The following SLC12A5 variants were observed in gnomAD, a reference collection of about 807,000 sequenced individuals.
SLC12A5 encodes the protein K-Cl cotransporter 2.
In SLC12A5, 18 loss-of-function variants were observed where a neutral mutation model predicts 124.0. The observed-to-expected ratio is 0.15, with a 90% CI of 0.10 to 0.22. The LOEUF (loss-of-function observed/expected upper bound fraction) is 0.22, where lower values mean the gene tolerates loss of function less well. SLC12A5 is among the 10% of genes least tolerant of loss of function. The pLI is 1.00. For missense variants in SLC12A5, 867 were observed against 1,478.7 expected, an observed-to-expected ratio of 0.59 and a Z score of 6.78; for synonymous variants, 589 against 568.0, an observed-to-expected ratio of 1.04 and a Z score of -0.53.
At position 46,040,354 on chromosome 20, in the gene SLC12A5, T is replaced by A. The variant is rs1225370810; in HGVS notation, c.613-19T>A. ...GGCTGCTGACTTAGGTATCTGTTCT[T>A]CCTGCCCCTTTCCCACAGGCTTACC... is the stretch of plus-strand genomic sequence containing the variant. On this transcript the variant is annotated intron_variant, in intron 6 of 25. Coordinates refer to ENST00000243964, the MANE Select transcript of SLC12A5 (RefSeq NM_020708.5). 2 of 1,612,730 alleles carry A rather than the reference T, an allele frequency of 1.2e-6. No individual in the cohort carries two copies. Among genetic ancestry groups the A allele is most frequent in the Admixed American group, 1.7e-5 (1 of 60,002 alleles).
chr20:46,046,091 T>G, intron 13 of SLC12A5, 95 bp downstream of exon 13: 1 of 1,194,998 alleles, frequency 8.4e-7, no homozygotes, highest in Non-Finnish European at 1.2e-6. Context: ...CCAGACACTT[T>G]AGCAACCCCA....
In SLC12A5 at chr20:46,052,988, A is replaced by C. The variant is rs1304975707; in HGVS notation, c.2409A>C (p.Leu803Phe). ...ELVRETTAGH[L>F]ALLVTKNVSM... The stretch of plus-strand genomic sequence containing the variant: ...TCCGGGAAACCACAGCTGGCCACTT[A>C]GCCCTGCTGGTCACCAAGAACGTTT... Residue 803 changes from leucine to phenylalanine, a missense_variant, in exon 19 of 26, where the codon TTA becomes TTC. This residue lies in a region of SLC12A5 where 110 missense variants were observed against 149.9 expected (regional missense o/e 0.73). Coordinates refer to ENST00000243964, the MANE Select transcript of SLC12A5 (RefSeq NM_020708.5). 2 of 1,613,866 alleles carry C rather than the reference A, an allele frequency of 1.2e-6. No homozygotes were observed. Among genetic ancestry groups the C allele is most frequent in the Admixed American group, 3.3e-5 (2 of 60,008 alleles).
downstream of SLC12A5, chr20:46,023,598 C>T: frequency 5.0e-6 from 2 of 397,042 alleles, no homozygotes; most frequent in Non-Finnish European, 8.9e-6. Flanking sequence ...CATTCTCTTT[C>T]CTCATTTGCT....
At chr20:46,041,842 T>C (rs936204049) in intron 8 of SLC12A5, among the ~76,000 whole-genome samples, 2 of 152,078 alleles carry the variant, frequency 1.3e-5, no homozygotes, top group Admixed American at 1.3e-4. Context: ...GTTCCTGGCC[T>C]CAAGGAGACT....
chr20:46,045,869 T>C lies in SLC12A5; in HGVS notation c.1570-9T>C, dbSNP rs1186278565. 1 of 1,613,124 alleles carries C rather than the reference T, an allele frequency of 6.2e-7. No individual in the cohort carries two copies. The highest frequency in any genetic ancestry group is 1.7e-5 in the Admixed American group (1 of 60,002). ...GGTCTCAGTCCCATGATGATTGCTC[T>C]TTCCCCAGGTCTTTGGCCATGGCAA... is the stretch of plus-strand genomic sequence containing the variant. On this transcript the variant is annotated splice_polypyrimidine_tract_variant and intron_variant, in intron 12 of 25. Transcript: ENST00000243964. The surrounding 1 kb of genome is among the most constrained non-coding windows in gnomAD (Gnocchi z 4.9).
At chr20:46,047,397 C>T (rs2084605506) in intron 14 of SLC12A5, 57 bp from the exon 15 acceptor site, 3 of 1,593,438 alleles carry the variant, frequency 1.9e-6, no homozygotes, top group Non-Finnish European at 2.6e-6. Flanking sequence ...TTCTAAGTCC[C>T]AGCTTCAGCA....
At chr20:46,046,251 C>T in intron 13 of SLC12A5, 87 bp from the exon 14 acceptor site, 1 of 1,263,850 alleles carries the variant, frequency 7.9e-7, no homozygotes. Context: ...TTCCTGTCCC[C>T]TTTCCCCCTT....
intron 1 of SLC12A5, chr20:46,022,113 A>T: frequency 2.9e-4 from 31 of 106,536 alleles, no homozygotes; most frequent in East Asian, 7.6e-4. Context: ...CGTGGCCACG[A>T]GGGAAAGGGG....
At chr20:46,029,431 C>CAGCGAGGAG (rs1253459506) in intron 1 of SLC12A5, 35 bp downstream of exon 1, 1 of 1,536,616 alleles carries the variant, frequency 6.5e-7, no homozygotes, top group Non-Finnish European at 8.8e-7. Flanking sequence ...GGGGAGGGGG[C>CAGCGAGGAG]AGCGAGGAGA....
intron 16 of SLC12A5, 74 bp downstream of exon 16, chr20:46,048,159 G>A (rs560939180): frequency 7.4e-7 from 1 of 1,359,162 alleles, no homozygotes; most frequent in Admixed American, 2.0e-5. Context: ...AGGGGGAAGG[G>A]AGCAGGGCCT....
chr20:46,058,161 T>G lies in SLC12A5; in HGVS notation c.*556T>G. On this transcript the variant is annotated 3_prime_UTR_variant, in exon 26 of 26. Coordinates refer to ENST00000243964, the MANE Select transcript of SLC12A5 (RefSeq NM_020708.5). The surrounding 1 kb of genome is among the most constrained non-coding windows in gnomAD (Gnocchi z 5.8). ...ATCGCGTGTATTTTTAACGTCCCCATATTTATGTGACTAGAAGCGCAACAG... is the reference window on the plus strand; with the variant it reads ...ATCGCGTGTATTTTTAACGTCCCCAGATTTATGTGACTAGAAGCGCAACAG... 12 of 239,122 alleles carry G rather than the reference T, an allele frequency of 5.0e-5. No individual in the cohort carries two copies. The highest frequency in any genetic ancestry group is 8.1e-5 in the East Asian group (1 of 12,352). The allele number at this position is 239,122 out of a possible 1,614,324, so 14.8% of individuals were successfully genotyped here. A position where few individuals can be genotyped will look rare whatever the true frequency, so the allele number is the denominator to read the frequency against.
chr20:46,029,255 G>A lies in SLC12A5; in HGVS notation c.-90G>A. On this transcript the variant is annotated 5_prime_UTR_variant, in exon 1 of 26. Coordinates refer to ENST00000243964, the MANE Select transcript of SLC12A5 (RefSeq NM_020708.5). ...TCCGTGGAGCGGAGAGCGAGACAGA[G>A]CTACAGCGAACGAGAGAGCGGCGAA... The A allele has an allele frequency of 6.7e-7, 1 of 1,491,638 alleles. No homozygotes were observed. Among genetic ancestry groups the A allele is most frequent in the South Asian group, 1.3e-5 (1 of 74,416 alleles). The allele number at this position is 1,491,638 out of a possible 1,614,324, so 92.4% of individuals were successfully genotyped here.
Position 46,045,240 on chromosome 20 carries a change from C to T in SLC12A5, c.1569+100C>T, listed in dbSNP as rs547790147. ...CAGGGCCATAACCAGCCTTAGACTACCTCCTGGGCCACTTCTGCTCTGTAC... is the reference window on the plus strand; with the variant it reads ...CAGGGCCATAACCAGCCTTAGACTATCTCCTGGGCCACTTCTGCTCTGTAC... On this transcript the variant is annotated intron_variant, in intron 12 of 25. Coordinates refer to ENST00000243964, the MANE Select transcript of SLC12A5 (RefSeq NM_020708.5). The surrounding 1 kb of genome is among the most constrained non-coding windows in gnomAD (Gnocchi z 4.9). 24 of 1,344,152 alleles carry T rather than the reference C, an allele frequency of 1.8e-5. No individual in the cohort carries two copies. Among genetic ancestry groups the T allele is most frequent in the East Asian group, 1.7e-4 (7 of 40,934 alleles). The allele number at this position is 1,344,152 out of a possible 1,614,324, so 83.3% of individuals were successfully genotyped here.
At chr20:46,048,733 T>C (rs1736380326) in intron 16 of SLC12A5, among the ~76,000 whole-genome samples, 2 of 152,048 alleles carry the variant, frequency 1.3e-5, no homozygotes, top group South Asian at 4.1e-4. Context: ...TAGCCAGGCA[T>C]GGTGGCGTGC....
chr20:46,031,091 G>A (rs1253017774), intron 1 of SLC12A5, among the ~76,000 whole-genome samples: 1 of 152,190 alleles, frequency 6.6e-6, no homozygotes, highest in Non-Finnish European at 1.5e-5. Flanking sequence ...GCATCTCTCT[G>A]TTCCCTCAGA....
At position 46,043,641 on chromosome 20, in the gene SLC12A5, G is replaced by A; in HGVS notation, c.1246G>A (p.Ala416Thr). The A allele has an allele frequency of 6.2e-7, 1 of 1,614,150 alleles. No individual in the cohort carries two copies. Among genetic ancestry groups the A allele is most frequent in the Non-Finnish European group, 8.5e-7 (1 of 1,180,028 alleles). The change falls in exon 10 of 26, where the codon GCT (alanine) becomes ACT (threonine). Residue 416 changes from alanine to threonine, a missense_variant. Coordinates refer to ENST00000243964, the MANE Select transcript of SLC12A5 (RefSeq NM_020708.5). ...IYFPSVTGIMAGSNRSGDLRD... is the reference protein window; with the variant it reads ...IYFPSVTGIMTGSNRSGDLRD... Reference sequence around the variant, plus strand: ...GCACTTCTGTTTTGCAGGGATCATGGCTGGTTCTAACCGCTCTGGGGACCT... The same window carrying A: ...GCACTTCTGTTTTGCAGGGATCATGACTGGTTCTAACCGCTCTGGGGACCT...
rs1360068826 is a variant in SLC12A5, at chr20:46,057,451, A to G, written c.3260-63A>G. The G allele has an allele frequency of 6.2e-6, 10 of 1,605,466 alleles. No homozygotes were observed. The highest frequency in any genetic ancestry group is 1.3e-5 in the African/African-American group (1 of 74,700). On this transcript the variant is annotated intron_variant, in intron 25 of 25. Transcript: ENST00000243964. This position sits in a 1 kb window ranked among gnomAD's most constrained non-coding sequence, Gnocchi z 7.1. ...GGCGCGAGAGGTCCCCTGGCAGCCG[A>G]GCGCGACCCCAATTTCGTCGGGAGG...
rs953273762 is a variant in SLC12A5, at chr20:46,059,346, G to A, written c.*1741G>A. On this transcript the variant is annotated 3_prime_UTR_variant, in exon 26 of 26. Transcript: ENST00000243964. ...CAGGTGTGGCTGGGGTAGGTTTGGAGGTCTGCCAGTTACACCAAGTCCCCT... is the reference window on the plus strand; with the variant it reads ...CAGGTGTGGCTGGGGTAGGTTTGGAAGTCTGCCAGTTACACCAAGTCCCCT... The A allele has an allele frequency of 2.6e-6, 1 of 381,368 alleles. No homozygotes were observed. The highest frequency in any genetic ancestry group is 2.1e-5 in the African/African-American group (1 of 48,272). 23.6% of individuals were successfully genotyped at this position (381,368 alleles called of 1,614,324 possible). A position where few individuals can be genotyped will look rare whatever the true frequency, so the allele number is the denominator to read the frequency against.
chr20:46,036,479 C>G, intron 4 of SLC12A5: 1 of 400,790 alleles, frequency 2.5e-6, no homozygotes, highest in African/African-American at 2.0e-5. Flanking sequence ...TCAGGTCAGG[C>G]AGCTGGTCTG....
Sources: allele counts gnomAD v4.1 joint callset (sites outside exome capture counted in the v4.1 genomes callset), GRCh38; gene constraint gnomAD v4.1.1; regional missense constraint gnomAD v4.1.1; non-coding constraint Gnocchi (gnomAD v3.1); transcripts MANE v1.5; gene names NCBI Gene and HGNC (gene_info 2026-07-23, HGNC 2026-07-21).